The following BPIFC variants were observed in gnomAD, a reference collection of about 807,000 sequenced individuals.
The protein encoded by BPIFC is BPI fold-containing family C protein.
Under a neutral mutation model 57.6 loss-of-function variants are expected in BPIFC, and 60 were observed. The ratio of observed to expected loss-of-function variants is 1.04; its 90% CI spans 0.85 to 1.29. The LOEUF (loss-of-function observed/expected upper bound fraction) is 1.29. Ranked by LOEUF, BPIFC falls within the 50% of genes most tolerant of loss-of-function variation. The probability of loss-of-function intolerance (pLI) is 0.00; values close to 1 mark genes in which losing one functional copy is unlikely to be tolerated. For synonymous variants in BPIFC, 243 were observed against 224.5 expected, an observed-to-expected ratio of 1.08 and a Z score of -0.74; for missense variants, 581 against 600.5, an observed-to-expected ratio of 0.97 and a Z score of 0.34.
chr22:32,443,228 A>C (rs965658122), intron 7 of BPIFC, among the ~76,000 whole-genome samples: 8 of 145,792 alleles, frequency 5.5e-5, no homozygotes, highest in Non-Finnish European at 8.9e-5. Context: ...CAGTGGCGCG[A>C]TCTCGGCTCA....
At chr22:32,437,734 G>A in intron 9 of BPIFC, 26 bp downstream of exon 9, 1 of 1,500,066 alleles carries the variant, frequency 6.7e-7, no homozygotes, top group Non-Finnish European at 9.3e-7. Flanking sequence ...CAGCCAGGCT[G>A]AGGATTCTGA....
At chr22:32,417,169 G>C (rs1000232617) in intron 14 of BPIFC, 21 bp from the exon 15 acceptor site, 2 of 1,411,484 alleles carry the variant, frequency 1.4e-6, no homozygotes, top group Non-Finnish European at 2.0e-6. Context: ...AGAGGAAATA[G>C]AATCAATTGG....
chr22:32,433,846 C>T (rs1045677892), intron 10 of BPIFC, 74 bp from the exon 11 acceptor site: 1 of 1,310,934 alleles, frequency 7.6e-7, no homozygotes, highest in Non-Finnish European at 1.1e-6. Context: ...TGTAGTGTTC[C>T]CTATAATTTG....
chr22:32,446,918 C>G, intron 5 of BPIFC: 1 of 611,160 alleles, frequency 1.6e-6, no homozygotes, highest in Non-Finnish European at 2.0e-6. Flanking sequence ...TGTGGGTGAT[C>G]GAAAATGTTG....
chr22:32,419,266 C>T (rs1267096428), intron 14 of BPIFC, 96 bp downstream of exon 14: 6 of 1,336,638 alleles, frequency 4.5e-6, no homozygotes, highest in Non-Finnish European at 6.3e-6. Flanking sequence ...GAATCAAGGA[C>T]TCCAAGTCAC....
intron 8 of BPIFC, among the ~76,000 whole-genome samples, chr22:32,442,171 G>A (rs1025746827): frequency 1.3e-5 from 2 of 152,214 alleles, no homozygotes; most frequent in African/African-American, 4.8e-5. Flanking sequence ...AAGGCAAGGG[G>A]TGAGGAGGGC....
chr22:32,424,634 TTCTTCTTC>T (rs1477127562), intron 13 of BPIFC, among the ~76,000 whole-genome samples: 8 of 55,560 alleles, frequency 1.4e-4, no homozygotes, highest in African/African-American at 4.4e-4. Context: ...CCTCCTCTTC[TTCTTCTTC>T]TCTTCTTCTT....
intron 5 of BPIFC, chr22:32,446,747 T>A: frequency 1.0e-6 from 1 of 985,234 alleles, no homozygotes; most frequent in East Asian, 1.1e-4. Context: ...TCTGATTTCC[T>A]CCTTCTACAC....
intron 4 of BPIFC, among the ~76,000 whole-genome samples, chr22:32,452,394 T>C (rs1169560068): frequency 6.6e-6 from 1 of 152,050 alleles, no homozygotes; most frequent in Non-Finnish European, 1.5e-5. Flanking sequence ...CCCAGCACTT[T>C]GGGAGGCCAA....
intron 4 of BPIFC, 163 bp downstream of exon 4, chr22:32,453,220 G>T: frequency 2.1e-6 from 1 of 485,312 alleles, no homozygotes; most frequent in Non-Finnish European, 3.5e-6. Context: ...TGGCCATATT[G>T]AGCCATGAGG....
intron 4 of BPIFC, among the ~76,000 whole-genome samples, chr22:32,452,637 CAAAA>C (rs57754149): frequency 0.14 from 19,454 of 135,406 alleles, 1,706 homozygotes; most frequent in Non-Finnish European, 0.21. Context: ...GACTCCGTCT[CAAAA>C]AAAAAAAAAA....
intron 14 of BPIFC, 41 bp from the exon 15 acceptor site, chr22:32,417,189 CTTTTTTTTT>C: frequency 1.0e-6 from 1 of 977,414 alleles, no homozygotes; most frequent in South Asian, 1.4e-5. Context: ...GCAGATCGGG[CTTTTTTTTT>C]TTTTTTTTGC....
At chr22:32,456,438 T>TTC (rs1935039853) in intron 3 of BPIFC, among the ~76,000 whole-genome samples, 2 of 132,710 alleles carry the variant, frequency 1.5e-5, no homozygotes, top group African/African-American at 5.5e-5. Flanking sequence ...TTTCTTTCTT[T>TTC]CTTCCCTCCC....
intron 4 of BPIFC, among the ~76,000 whole-genome samples, chr22:32,450,630 C>T (rs1479188065): frequency 6.6e-6 from 1 of 151,584 alleles, no homozygotes; most frequent in Non-Finnish European, 1.5e-5. Context: ...TTTTCAAAAT[C>T]TCGTATGTAT....
At chr22:32,461,040 G>T (rs866604364) in intron 2 of BPIFC, among the ~76,000 whole-genome samples, 1 of 152,156 alleles carries the variant, frequency 6.6e-6, no homozygotes, top group Admixed American at 6.5e-5. Context: ...GGCATCCATC[G>T]AAACAGATGT....
At chr22:32,438,816 AC>A (rs1200167680) in intron 8 of BPIFC, among the ~76,000 whole-genome samples, 3 of 142,986 alleles carry the variant, frequency 2.1e-5, no homozygotes, top group Non-Finnish European at 4.4e-5. Flanking sequence ...TGCAGTTAGA[AC>A]TTTTTTTTTT....
chr22:32,447,526 C>G (rs1441435436), intron 4 of BPIFC, among the ~76,000 whole-genome samples, 186 bp from the exon 5 acceptor site: 1 of 152,062 alleles, frequency 6.6e-6, no homozygotes, highest in African/African-American at 2.4e-5. Flanking sequence ...AAACTCTTAC[C>G]AGGAAGTCCC....
rs758230826 is a variant in BPIFC at position 32,445,857 on chromosome 22, A to G, written c.514T>C (p.Phe172Leu). 1.9e-6 allele frequency: 3 copies of G among 1,614,068 alleles called. No individual in the cohort carries two copies. The highest frequency in any genetic ancestry group is 2.5e-6 in the Non-Finnish European group (3 of 1,180,024). ...CTCATTCACCTGAGTTCTCCGGAAA[A>G]TGAGACGTGGGCATGGCTCAGTTGG... ...YAQLSHAHVS[F>L]SGELSVLYNS... is the part of the protein sequence containing the mutation. Residue 172 changes from phenylalanine to leucine, a missense_variant, in exon 6 of 17, where the codon TTT becomes CTT. By Grantham distance (22) the Phe-to-Leu change is conservative. Transcript: ENST00000300399.
At chr22:32,450,332 G>A (rs1482961447) in intron 4 of BPIFC, among the ~76,000 whole-genome samples, 2 of 152,108 alleles carry the variant, frequency 1.3e-5, no homozygotes, top group African/African-American at 4.8e-5. Flanking sequence ...TATAGCCTAG[G>A]TATGTAGTTA....
Sources: gnomAD v4.1 joint callset for allele counts (sites outside exome capture counted in the v4.1 genomes callset) on GRCh38, gnomAD v4.1.1 for gene constraint, MANE v1.5 for transcripts, NCBI Gene and HGNC (gene_info 2026-07-23, HGNC 2026-07-21) for gene names.